Variants in RAB27A observed in about 807,000 individuals in gnomAD.
RAB27A encodes ras-related protein Rab-27A.
RAB27A carries 17 observed loss-of-function variants against 20.8 expected under a neutral mutation model. The ratio of observed to expected loss-of-function variants is 0.82; its 90% CI spans 0.56 to 1.23. RAB27A has a LOEUF of 1.23. Ranked by LOEUF, RAB27A falls within the 50% of genes most tolerant of loss-of-function variation. The pLI, the probability that RAB27A is intolerant of heterozygous loss-of-function variation, is 0.00. For missense variants in RAB27A, 277 were observed against 266.7 expected (o/e 1.04, Z -0.27); for synonymous variants, 85 against 92.8 (o/e 0.92, Z 0.48).
In RAB27A at chr15:55,255,107, A is replaced by G. The variant is rs150975469; in HGVS notation, c.-23+15058T>C. Among the ~76,000 whole-genome samples, 146 of 152,316 alleles carry G rather than the reference A, an allele frequency of 9.6e-4. 1 individual carries two copies. Among genetic ancestry groups the G allele is most frequent in the Middle Eastern group, 3.4e-3 (1 of 294 alleles). On this transcript the variant is annotated intron_variant, in intron 2 of 6. Transcript: ENST00000336787. ...TGCCAGGGCTCAGGGCTGAGGTCCT[A>G]TTGACTGCACATAGTATAAGAAAGG...
chr15:55,233,675 A>G (rs1896137255), intron 3 of RAB27A, among the ~76,000 whole-genome samples: 3 of 152,178 alleles, frequency 2.0e-5, no homozygotes, highest in Admixed American at 1.3e-4. Flanking sequence ...AATGCCTGCT[A>G]ATAGGTATGA....
rs188059685 is a variant in RAB27A, at chr15:55,212,015, A to G, written c.468-6310T>C. Among the ~76,000 whole-genome samples the G allele has an allele frequency of 8.5e-4, 82 of 96,476 alleles. 1 individual carries two copies. The highest frequency in any genetic ancestry group is 1.4e-3 in the Non-Finnish European group (68 of 48,276). The allele number at this position is 96,476 out of a possible 152,430, so 63.3% of individuals were successfully genotyped here. ...CTTTTTTGCTTCAGGGATTTCTTGT[A>G]TATGCTCTTCAGAGTGTTCTGGTTT... On this transcript the variant is annotated intron_variant, in intron 6 of 6. Transcript: ENST00000336787.
At chr15:55,300,221 A>G (rs775983186) in intron 2 of RAB27A, among the ~76,000 whole-genome samples, 3 of 152,110 alleles carry the variant, frequency 2.0e-5, no homozygotes, top group African/African-American at 7.2e-5. Context: ...CGTATGACTT[A>G]CTCTCAAAAG....
At chr15:55,211,234 T>C (rs1368637429) in intron 6 of RAB27A, among the ~76,000 whole-genome samples, 1 of 152,212 alleles carries the variant, frequency 6.6e-6, no homozygotes, top group African/African-American at 2.4e-5. Flanking sequence ...TTGTCAGTTA[T>C]TGAGGGTCTT....
At chr15:55,253,758 G>A (rs1896982024) in intron 2 of RAB27A, among the ~76,000 whole-genome samples, 1 of 152,004 alleles carries the variant, frequency 6.6e-6, no homozygotes, top group African/African-American at 2.4e-5. Context: ...AAAAGAGTCG[G>A]GGAATAAACC....
chr15:55,216,637 G>GA (rs1895320665), intron 6 of RAB27A, among the ~76,000 whole-genome samples: 1 of 151,870 alleles, frequency 6.6e-6, no homozygotes, highest in Admixed American at 6.6e-5. Context: ...GAAAAAAAAA[G>GA]AATAAAAAAT....
intron 2 of RAB27A, among the ~76,000 whole-genome samples, chr15:55,311,808 T>C (rs992685061): frequency 5.9e-5 from 9 of 151,968 alleles, no homozygotes; most frequent in East Asian, 3.9e-4. Context: ...CCAGAATACA[T>C]CTCAGGGGCG....
chr15:55,299,954 G>C (rs2054964858), intron 2 of RAB27A, among the ~76,000 whole-genome samples: 1 of 151,598 alleles, frequency 6.6e-6, no homozygotes, highest in South Asian at 2.1e-4. Context: ...CCAAGCAGCT[G>C]GGACTACAGG....
chr15:55,257,599 G>C (rs986166053), intron 2 of RAB27A, among the ~76,000 whole-genome samples: 3 of 152,220 alleles, frequency 2.0e-5, no homozygotes, highest in Non-Finnish European at 4.4e-5. Context: ...GTCCTGCACA[G>C]CATTCACTCC....
At chr15:55,307,727 TA>T (rs1471180619) in intron 2 of RAB27A, among the ~76,000 whole-genome samples, 3 of 150,574 alleles carry the variant, frequency 2.0e-5, no homozygotes, top group African/African-American at 7.4e-5. Flanking sequence ...GGCATGTGGA[TA>T]AAATCTAGTT....
At chr15:55,293,014 G>A (rs1013663057), upstream of RAB27A, among the ~76,000 whole-genome samples, 2 of 152,176 alleles carry the variant, frequency 1.3e-5, no homozygotes, top group African/African-American at 4.8e-5. Flanking sequence ...CACATCTCGT[G>A]TGTCAGTTCA....
At chr15:55,301,207 C>G (rs1434047992) in intron 2 of RAB27A, among the ~76,000 whole-genome samples, 1 of 152,184 alleles carries the variant, frequency 6.6e-6, no homozygotes, top group Non-Finnish European at 1.5e-5. Flanking sequence ...ATTCTCCTGC[C>G]TTAGCCTCCC....
In RAB27A at chr15:55,205,600, C is replaced by G; in HGVS notation, c.573G>C (p.Lys191Asn). ...IMKRMERCVD[K>N]SWIPEGVVRS... ...GCACCACTCCTTCAGGAATCCAGGACTTGTCCACACACCGTTCCATTCGCT... is the reference window on the plus strand; with the variant it reads ...GCACCACTCCTTCAGGAATCCAGGAGTTGTCCACACACCGTTCCATTCGCT... Residue 191 changes from lysine to asparagine, a missense_variant, in exon 7 of 7, where the codon AAG becomes AAC. Physicochemically the swap from Lys to Asn is moderately conservative, Grantham distance 94 (BLOSUM62 0). Coordinates refer to ENST00000336787, the MANE Select transcript of RAB27A (RefSeq NM_183235.3). The G allele has an allele frequency of 1.2e-6, 2 of 1,614,142 alleles. No individual in the cohort carries two copies. Among genetic ancestry groups the G allele is most frequent in the South Asian group, 2.2e-5 (2 of 91,086 alleles).
chr15:55,210,211 G>A (rs867323925), intron 6 of RAB27A, among the ~76,000 whole-genome samples: 13 of 119,258 alleles, frequency 1.1e-4, no homozygotes, highest in African/African-American at 2.1e-4. Flanking sequence ...ATACACACAT[G>A]TATGTGTATG....
At chr15:55,318,963 A>G (rs1021871440) in exon 1 of RAB27A, 1 of 371,180 alleles carries the variant, frequency 2.7e-6, no homozygotes, top group East Asian at 5.0e-5. Flanking sequence ...CCACGTCACT[A>G]AACTCGCTAC....
chr15:55,214,297 A>G (rs11855514), intron 6 of RAB27A, among the ~76,000 whole-genome samples: 6,829 of 152,174 alleles, frequency 0.045, 179 homozygotes, highest in Non-Finnish European at 0.058. Context: ...TTAGCCAGGC[A>G]TGGTGGTGGA....
At chr15:55,258,066 CAAA>C (rs553999609) in intron 2 of RAB27A, among the ~76,000 whole-genome samples, 24 of 61,972 alleles carry the variant, frequency 3.9e-4, no homozygotes, top group African/African-American at 1.3e-3. Context: ...GACTCAGTCT[CAAA>C]AAAAAAAAAA....
At chr15:55,282,250 T>A (rs1403283571) in intron 1 of RAB27A, among the ~76,000 whole-genome samples, 2 of 152,124 alleles carry the variant, frequency 1.3e-5, no homozygotes, top group Non-Finnish European at 2.9e-5. Context: ...AGTATTAGAA[T>A]AAGAACATAA....
At chr15:55,308,640 T>C (rs1368995124) in intron 2 of RAB27A, among the ~76,000 whole-genome samples, 2 of 152,190 alleles carry the variant, frequency 1.3e-5, no homozygotes, top group Non-Finnish European at 2.9e-5. Flanking sequence ...TGTTGACAGT[T>C]ATGTTCTATC....
Sources: allele counts gnomAD v4.1 joint callset (sites outside exome capture counted in the v4.1 genomes callset), GRCh38; gene constraint gnomAD v4.1.1; transcripts MANE v1.5; gene names NCBI Gene and HGNC (gene_info 2026-07-23, HGNC 2026-07-21).